Variants in RALGPS1 observed in about 807,000 individuals in gnomAD.
The protein encoded by RALGPS1 is ras-specific guanine nucleotide-releasing factor RalGPS1.
A neutral mutation model predicts 78.8 loss-of-function variants in RALGPS1; 19 were observed. The ratio of observed to expected loss-of-function variants is 0.24; its 90% CI spans 0.17 to 0.35. The LOEUF (loss-of-function observed/expected upper bound fraction) is 0.35. Ranked by LOEUF, RALGPS1 falls within the 10% of genes least tolerant of loss-of-function variation. The probability of loss-of-function intolerance (pLI) is 1.00; values close to 1 mark genes in which losing one functional copy is unlikely to be tolerated. For synonymous variants in RALGPS1, 228 were observed against 256.3 expected (o/e 0.89, Z 1.06); for missense variants, 454 against 688.3 (o/e 0.66, Z 3.81).
intron 8 of RALGPS1, among the ~76,000 whole-genome samples, chr9:127,135,635 A>G (rs2057340131): frequency 6.6e-6 from 1 of 152,180 alleles, no homozygotes; most frequent in African/African-American, 2.4e-5. Context: ...CCTCCCCACC[A>G]CTGATGGACA....
chr9:127,024,606 G>A (rs1439074085), intron 4 of RALGPS1, among the ~76,000 whole-genome samples: 2 of 151,934 alleles, frequency 1.3e-5, no homozygotes, highest in African/African-American at 4.8e-5. Context: ...ACATAGTCAA[G>A]CCAAGTACTA....
chr9:127,108,382 A>C, intron 8 of RALGPS1: 1 of 1,609,678 alleles, frequency 6.2e-7, no homozygotes, highest in Non-Finnish European at 8.5e-7. Context: ...CACCTCGCTC[A>C]CAATGCCGCC....
In RALGPS1 at chr9:127,089,046, G is replaced by A. The variant is rs1044143301; in HGVS notation, c.610+19690G>A. 14 of 1,614,076 alleles carry A rather than the reference G, an allele frequency of 8.7e-6. No homozygotes were observed. The highest frequency in any genetic ancestry group is 1.7e-5 in the Admixed American group (1 of 60,008). On this transcript the variant is annotated intron_variant, in intron 8 of 18. Transcript: ENST00000259351. ...TAGACTCCGTCCTGGTAGCGGCTCCGGTAATGGCCCCCGCGGTACCAGACC... is the reference window on the plus strand; with the variant it reads ...TAGACTCCGTCCTGGTAGCGGCTCCAGTAATGGCCCCCGCGGTACCAGACC...
chr9:126,999,166 A>G (rs947467589), intron 4 of RALGPS1, among the ~76,000 whole-genome samples: 2 of 149,900 alleles, frequency 1.3e-5, no homozygotes, highest in Non-Finnish European at 1.5e-5. Flanking sequence ...TTAAAGTATA[A>G]TAATAATAAT....
chr9:127,180,795 G>A (rs143101643), intron 11 of RALGPS1, among the ~76,000 whole-genome samples: 2 of 152,330 alleles, frequency 1.3e-5, no homozygotes, highest in Non-Finnish European at 2.9e-5. Context: ...AGACTCTGTC[G>A]GTCAGGAAGC....
chr9:127,088,853 G>T, intron 8 of RALGPS1: 3 of 1,490,962 alleles, frequency 2.0e-6, no homozygotes, highest in Admixed American at 1.7e-5. Context: ...GGATGAACTG[G>T]TGAGGAGTTG....
intron 4 of RALGPS1, among the ~76,000 whole-genome samples, chr9:127,004,920 C>T (rs1411981866): frequency 1.3e-5 from 2 of 152,162 alleles, no homozygotes; most frequent in Non-Finnish European, 2.9e-5. Context: ...CAGATTTACC[C>T]TAATACAGCA....
chr9:127,207,826 C>T (rs775760139), intron 14 of RALGPS1, among the ~76,000 whole-genome samples: 4 of 152,346 alleles, frequency 2.6e-5, no homozygotes, highest in Non-Finnish European at 4.4e-5. Context: ...ACACTGGTGC[C>T]GCCCTTCAAG....
At chr9:127,034,626 C>G (rs936364115) in intron 5 of RALGPS1, 112 bp downstream of exon 5, 19 of 900,738 alleles carry the variant, frequency 2.1e-5, no homozygotes, top group Admixed American at 7.4e-5. Flanking sequence ...GGCCCCAGAT[C>G]CAGCTTCTCA....
chr9:127,065,209 G>A (rs576002255), intron 7 of RALGPS1, among the ~76,000 whole-genome samples: 1 of 152,264 alleles, frequency 6.6e-6, no homozygotes, highest in South Asian at 2.1e-4. Flanking sequence ...CGCATCCCGG[G>A]TTCAAGGAAT....
intron 3 of RALGPS1, among the ~76,000 whole-genome samples, chr9:126,975,704 C>T (rs886324186): frequency 1.3e-5 from 2 of 152,142 alleles, no homozygotes; most frequent in Non-Finnish European, 2.9e-5. Context: ...GAGCTCTAGG[C>T]CAAACATAGA....
rs117999050 is a variant in RALGPS1 at position 127,213,242 on chromosome 9, G to A, written c.1552+193G>A. Among the ~76,000 whole-genome samples, 1,225 of 152,366 alleles carry A rather than the reference G, an allele frequency of 8.0e-3. 6 individuals carry two copies. The highest frequency in any genetic ancestry group is 0.024 in the Middle Eastern group (7 of 294). ...ATGGTTGGCATGTCCATTGAGAAGG[G>A]TATGAGGCACAGGGTGCTGGAATCC... On this transcript the variant is annotated intron_variant, in intron 17 of 18. Coordinates refer to ENST00000259351, the MANE Select transcript of RALGPS1 (RefSeq NM_014636.3).
At chr9:127,090,869 G>A (rs745703306) in intron 8 of RALGPS1, among the ~76,000 whole-genome samples, 6 of 152,198 alleles carry the variant, frequency 3.9e-5, no homozygotes, top group Non-Finnish European at 5.9e-5. Context: ...TTAACTGTGT[G>A]GGAGGCTGAT....
intron 1 of RALGPS1, among the ~76,000 whole-genome samples, chr9:126,927,886 C>T (rs543181778): frequency 2.6e-5 from 4 of 152,146 alleles, no homozygotes; most frequent in South Asian, 2.1e-4. Flanking sequence ...TAACGCGATG[C>T]GTGGGTAGGT....
chr9:126,946,995 C>T (rs904473775), intron 1 of RALGPS1, among the ~76,000 whole-genome samples: 12 of 152,132 alleles, frequency 7.9e-5, no homozygotes, highest in South Asian at 6.2e-4. Context: ...GAGATGGGGA[C>T]GCTCTAGCCA....
rs773449807 is a variant in RALGPS1 at position 127,091,950 on chromosome 9, A to G, written c.610+22594A>G. ...TGTTCCCAAACCCTTGCTGGGGAAA[A>G]CCCAGGAGAGTGTTAATGTGGAGCC... On this transcript the variant is annotated intron_variant, in intron 8 of 18. Transcript: ENST00000259351. This position sits in a 1 kb window ranked among gnomAD's most constrained non-coding sequence, Gnocchi z 4.3. 6.2e-7 allele frequency: 1 copy of G among 1,612,672 alleles called. No homozygotes were observed. Among genetic ancestry groups the G allele is most frequent in the Admixed American group, 1.7e-5 (1 of 59,940 alleles).
chr9:127,149,268 C>T (rs774662709), intron 8 of RALGPS1, among the ~76,000 whole-genome samples: 3 of 152,254 alleles, frequency 2.0e-5, no homozygotes, highest in Non-Finnish European at 2.9e-5. Context: ...AGTTCATCCA[C>T]TGGTTGACAC....
chr9:126,920,481 T>C lies in RALGPS1; in HGVS notation c.-66+5506T>C, dbSNP rs78333631. Among the ~76,000 whole-genome samples the C allele has an allele frequency of 4.7e-3, 711 of 152,330 alleles. 7 individuals carry two copies. Among genetic ancestry groups the C allele is most frequent in the African/African-American group, 0.016 (669 of 41,580 alleles). On this transcript the variant is annotated intron_variant, in intron 1 of 18. Transcript: ENST00000259351. The stretch of plus-strand genomic sequence containing the variant: ...TCTGGAATGAGCTGCTCATGCTTGC[T>C]GAAACTCACCTCTCCTTTCCACAGA...
At chr9:126,997,634 A>G (rs966287154) in intron 4 of RALGPS1, among the ~76,000 whole-genome samples, 4 of 152,224 alleles carry the variant, frequency 2.6e-5, no homozygotes, top group Non-Finnish European at 5.9e-5. Context: ...CCATCAAGCT[A>G]CCAATGACTT....
Sources: gnomAD v4.1 joint callset for allele counts (sites outside exome capture counted in the v4.1 genomes callset) on GRCh38, gnomAD v4.1.1 for gene constraint, Gnocchi (gnomAD v3.1) non-coding constraint, MANE v1.5 for transcripts, NCBI Gene and HGNC (gene_info 2026-07-23, HGNC 2026-07-21) for gene names.